The following RANBP17 variants were observed in gnomAD, a reference collection of about 807,000 sequenced individuals.
RANBP17 encodes the protein RAN binding protein 17.
In RANBP17, 158 loss-of-function variants were observed where a neutral mutation model predicts 141.2. The observed-to-expected ratio is 1.12, with a 90% CI of 0.98 to 1.28. The LOEUF (loss-of-function observed/expected upper bound fraction) is 1.28, where lower values mean the gene tolerates loss of function less well. Ranked by LOEUF, RANBP17 falls within the 50% of genes most tolerant of loss-of-function variation. The pLI is 0.00. For missense variants in RANBP17, 1,438 were observed against 1,290.7 expected (o/e 1.11, Z -1.75); for synonymous variants, 430 against 450.0 (o/e 0.96, Z 0.56).
intron 14 of RANBP17, among the ~76,000 whole-genome samples, chr5:171,055,545 C>A (rs1426698637): frequency 6.6e-6 from 1 of 152,104 alleles, no homozygotes; most frequent in Non-Finnish European, 1.5e-5. Context: ...TTTGATGGAA[C>A]TTTGTTCCAA....
At chr5:171,287,788 A>C (rs1466974839) in intron 25 of RANBP17, among the ~76,000 whole-genome samples, 1 of 152,024 alleles carries the variant, frequency 6.6e-6, no homozygotes, top group Non-Finnish European at 1.5e-5. Flanking sequence ...GTACAGTGGC[A>C]TGATCTCAGC....
intron 14 of RANBP17, among the ~76,000 whole-genome samples, chr5:171,022,790 A>G (rs903975133): frequency 6.6e-6 from 1 of 152,202 alleles, no homozygotes; most frequent in African/African-American, 2.4e-5. Context: ...ACAGCAGGCA[A>G]CCGCAGCTAT....
Position 171,065,436 on chromosome 5 carries a change from G to A in RANBP17, c.1710+97059G>A, listed in dbSNP as rs1267186192. On this transcript the variant is annotated intron_variant, in intron 14 of 27. Coordinates refer to ENST00000523189, the MANE Select transcript of RANBP17 (RefSeq NM_022897.5). ...TTTACAGTAGGTTTCCTGCTCCTGT[G>A]ATAATCTAATGCTGCTGCTGACCTG... 5.3e-5 allele frequency among the ~76,000 whole-genome samples: 8 copies of A among 152,220 alleles called. No individual in the cohort carries two copies. In the East Asian group the frequency reaches 1.5e-3, roughly 29 times the overall value.
At chr5:171,062,799 A>G (rs1223698554) in intron 14 of RANBP17, among the ~76,000 whole-genome samples, 13 of 152,184 alleles carry the variant, frequency 8.5e-5, no homozygotes, top group African/African-American at 2.4e-4. Context: ...AGGTACACCA[A>G]TCAGACGTAG....
In RANBP17 at chr5:171,242,775, C is replaced by G; in HGVS notation, c.2731C>G (p.Leu911Val). The G allele has an allele frequency of 6.2e-7, 1 of 1,613,426 alleles. No individual in the cohort carries two copies. Among genetic ancestry groups the G allele is most frequent in the East Asian group, 2.2e-5 (1 of 44,830 alleles). ...SFIINLEPPVLMYVLTSISEG... is the reference protein window; with the variant it reads ...SFIINLEPPVVMYVLTSISEG... Reference sequence around the variant, plus strand: ...CATCATCAACTTAGAGCCTCCTGTACTCATGTATGTTCTCACATCTATCTC... The same window carrying G: ...CATCATCAACTTAGAGCCTCCTGTAGTCATGTATGTTCTCACATCTATCTC... The change falls in exon 24 of 28, where the codon CTC (leucine) becomes GTC (valine). Residue 911 changes from leucine (L) to valine (V), a missense_variant. Transcript: ENST00000523189.
intron 14 of RANBP17, among the ~76,000 whole-genome samples, chr5:171,154,299 C>T (rs1438803525): frequency 2.0e-5 from 3 of 151,990 alleles, no homozygotes; most frequent in Middle Eastern, 3.4e-3. Flanking sequence ...TTTTCTGAGA[C>T]GGAGTCTTGC....
At chr5:170,874,387 T>C (rs1767995413) in intron 1 of RANBP17, among the ~76,000 whole-genome samples, 1 of 152,186 alleles carries the variant, frequency 6.6e-6, no homozygotes. Context: ...ATATCTTTGT[T>C]AATTTTCTGT....
At chr5:171,178,101 A>G (rs1022682696) in intron 16 of RANBP17, among the ~76,000 whole-genome samples, 6 of 151,322 alleles carry the variant, frequency 4.0e-5, no homozygotes, top group African/African-American at 1.2e-4. Flanking sequence ...TACACATGCC[A>G]TGGTGGTTTG....
intron 14 of RANBP17, among the ~76,000 whole-genome samples, chr5:171,091,731 G>A (rs1194618768): frequency 6.6e-6 from 1 of 152,194 alleles, no homozygotes; most frequent in Non-Finnish European, 1.5e-5. Flanking sequence ...CATGAGATCT[G>A]ATGGTATTAT....
At chr5:171,115,413 A>G (rs1755548962) in intron 14 of RANBP17, among the ~76,000 whole-genome samples, 5 of 152,200 alleles carry the variant, frequency 3.3e-5, no homozygotes, top group African/African-American at 1.2e-4. Flanking sequence ...GTCTATGTAT[A>G]TAGTGGACAC....
intron 14 of RANBP17, among the ~76,000 whole-genome samples, chr5:171,053,797 A>T (rs1432265544): frequency 6.8e-6 from 1 of 147,700 alleles, no homozygotes; most frequent in Non-Finnish European, 1.5e-5. Flanking sequence ...CTTGTTACTC[A>T]TCTTGGGGGA....
intron 22 of RANBP17, among the ~76,000 whole-genome samples, chr5:171,224,422 A>AG (rs1280579120): frequency 6.6e-6 from 1 of 152,130 alleles, no homozygotes; most frequent in African/African-American, 2.4e-5. Context: ...AGGGCTGTTA[A>AG]GGGAAGTGAG....
intron 1 of RANBP17, among the ~76,000 whole-genome samples, chr5:170,876,843 C>CA (rs147428687): frequency 2.0e-5 from 3 of 152,082 alleles, no homozygotes; most frequent in Middle Eastern, 3.4e-3. Context: ...CTAGAAAGGA[C>CA]AAAAAAATTG....
At chr5:171,185,519 G>T (rs1007514660) in intron 18 of RANBP17, among the ~76,000 whole-genome samples, 1 of 152,148 alleles carries the variant, frequency 6.6e-6, no homozygotes, top group Non-Finnish European at 1.5e-5. Context: ...TAAATCTTTT[G>T]TTACTTCAAC....
At chr5:171,131,741 G>C (rs1278859070) in intron 14 of RANBP17, among the ~76,000 whole-genome samples, 2 of 152,206 alleles carry the variant, frequency 1.3e-5, no homozygotes, top group East Asian at 3.8e-4. Flanking sequence ...TTAGCATGCT[G>C]ACAGCTCAGC....
intron 14 of RANBP17, among the ~76,000 whole-genome samples, chr5:171,141,495 T>C (rs1214332996): frequency 6.6e-6 from 1 of 150,586 alleles, no homozygotes; most frequent in Admixed American, 6.6e-5. Context: ...TAGCGCCAGC[T>C]TCTGGGGAGG....
At chr5:171,187,834 A>T (rs945005744) in intron 18 of RANBP17, among the ~76,000 whole-genome samples, 1 of 152,220 alleles carries the variant, frequency 6.6e-6, no homozygotes, top group African/African-American at 2.4e-5. Context: ...GTTATACATG[A>T]GAGGGTTCAG....
intron 22 of RANBP17, among the ~76,000 whole-genome samples, chr5:171,223,163 T>C (rs1428639230): frequency 6.6e-6 from 1 of 152,170 alleles, no homozygotes; most frequent in African/African-American, 2.4e-5. Flanking sequence ...AGGCCTCCAT[T>C]AAAAATACTT....
At chr5:170,949,094 A>AT (rs1394583369) in intron 12 of RANBP17, among the ~76,000 whole-genome samples, 2 of 152,132 alleles carry the variant, frequency 1.3e-5, no homozygotes, top group African/African-American at 4.8e-5. Flanking sequence ...GTGAGCTATG[A>AT]TTTTGTCACT....
Sources: allele counts gnomAD v4.1 joint callset (sites outside exome capture counted in the v4.1 genomes callset), GRCh38; gene constraint gnomAD v4.1.1; transcripts MANE v1.5; gene names NCBI Gene and HGNC (gene_info 2026-07-23, HGNC 2026-07-21).